Variants in SPAG16 observed in about 807,000 individuals in gnomAD.
SPAG16 encodes sperm associated antigen 16, also known as sperm-associated antigen 16 protein.
In SPAG16, 86 loss-of-function variants were observed where a neutral mutation model predicts 80.4. The ratio of observed to expected loss-of-function variants is 1.07; its 90% confidence interval spans 0.90 to 1.28. SPAG16 has a LOEUF of 1.28. Ranked by LOEUF, SPAG16 falls within the 50% of genes most tolerant of loss-of-function variation. The pLI, the probability that SPAG16 is intolerant of heterozygous loss-of-function variation, is 0.00. For synonymous variants in SPAG16, 294 were observed against 265.9 expected (o/e 1.11, Z -1.03); for missense variants, 870 against 765.3 (o/e 1.14, Z -1.61).
At chr2:214,111,606 C>A (rs558701386) in intron 14 of SPAG16, among the ~76,000 whole-genome samples, 1 of 152,302 alleles carries the variant, frequency 6.6e-6, no homozygotes, top group Admixed American at 6.5e-5. Flanking sequence ...ACTGTCTTGG[C>A]AATGCAGGCT....
intron 15 of SPAG16, among the ~76,000 whole-genome samples, chr2:214,271,890 C>A (rs1692053160): frequency 6.9e-6 from 1 of 145,702 alleles, no homozygotes; most frequent in Non-Finnish European, 1.5e-5. Context: ...TAGCAGGAGT[C>A]TGTTTTTATA....
intron 15 of SPAG16, among the ~76,000 whole-genome samples, chr2:214,251,601 T>A (rs540248175): frequency 6.6e-6 from 1 of 152,288 alleles, no homozygotes; most frequent in East Asian, 1.9e-4. Flanking sequence ...ATTCATTTCA[T>A]GTTTTGTGAG....
At chr2:213,302,213 C>T (rs769509718) in intron 3 of SPAG16, among the ~76,000 whole-genome samples, 7 of 152,064 alleles carry the variant, frequency 4.6e-5, no homozygotes, top group Non-Finnish European at 8.8e-5. Flanking sequence ...GACCATGTTT[C>T]GCTAGTTTGT....
At chr2:214,194,200 G>T (rs1319471168) in intron 15 of SPAG16, among the ~76,000 whole-genome samples, 1 of 151,954 alleles carries the variant, frequency 6.6e-6, no homozygotes, top group African/African-American at 2.4e-5. Flanking sequence ...ACATGAAATG[G>T]CAATACATGA....
chr2:214,232,591 G>C (rs1190177261), intron 15 of SPAG16, among the ~76,000 whole-genome samples: 1 of 151,870 alleles, frequency 6.6e-6, no homozygotes, highest in African/African-American at 2.4e-5. Flanking sequence ...AGGAGTCGGG[G>C]GGGGCTCAGA....
chr2:214,143,638 A>G (rs1291684805), intron 14 of SPAG16, among the ~76,000 whole-genome samples: 2 of 152,180 alleles, frequency 1.3e-5, no homozygotes, highest in Admixed American at 1.3e-4. Context: ...TTTAAATTAC[A>G]TACAATCAAC....
At position 213,467,978 on chromosome 2, in the gene SPAG16, T is replaced by A. The variant is rs2072799209; in HGVS notation, c.943-21985T>A. Among the ~76,000 whole-genome samples the A allele has an allele frequency of 2.6e-5, 4 of 152,284 alleles. No homozygotes were observed. In the South Asian group the frequency reaches 8.3e-4, roughly 32 times the overall value. Reference sequence around the variant, plus strand: ...TTTCTTGTGTCTCCTCTCTCTCTCTTCAGTCTCCTCCTGATCCCTGTTGTA... The same window carrying A: ...TTTCTTGTGTCTCCTCTCTCTCTCTACAGTCTCCTCCTGATCCCTGTTGTA... On this transcript the variant is annotated intron_variant, in intron 9 of 15. Transcript: ENST00000331683.
intron 13 of SPAG16, among the ~76,000 whole-genome samples, chr2:214,044,466 G>A (rs1156643154): frequency 6.6e-6 from 1 of 152,060 alleles, no homozygotes; most frequent in Non-Finnish European, 1.5e-5. Flanking sequence ...CATTATTTGG[G>A]GGAGGGTGGA....
chr2:213,767,816 G>A (rs714567), intron 10 of SPAG16, among the ~76,000 whole-genome samples: 9,697 of 152,176 alleles, frequency 0.064, 1,021 homozygotes, highest in African/African-American at 0.22. Flanking sequence ...CATTTATTGG[G>A]CAACAAATGA....
rs1298555516 is a variant in SPAG16 at position 213,340,737 on chromosome 2, A to T, written c.644+467A>T. Among the ~76,000 whole-genome samples the T allele has an allele frequency of 2.0e-5, 3 of 152,206 alleles. No homozygotes were observed. The East Asian group carries it at 5.8e-4, about 29-fold the overall frequency. ...CTGTGGTATTGCAGGGATAGGGGAC[A>T]TATCTCTAAATGACTATGAATTTGT... On this transcript the variant is annotated intron_variant, in intron 6 of 15. Transcript: ENST00000331683.
rs1175230204 is a variant in SPAG16, at chr2:213,676,291, A to G, written c.1071-186194A>G. On this transcript the variant is annotated intron_variant, in intron 10 of 15. Transcript: ENST00000331683. ...CTTAACGAGATTTTGGGATGAGACA[A>G]TGGGGTTTTCTAGATATACAATCAT... Among the ~76,000 whole-genome samples the G allele has an allele frequency of 3.7e-4, 57 of 152,270 alleles. 1 individual carries two copies. Among genetic ancestry groups the G allele is most frequent in the Non-Finnish European group, 1.0e-4 (7 of 68,034 alleles).
intron 15 of SPAG16, among the ~76,000 whole-genome samples, chr2:214,316,653 C>T (rs1695717424): frequency 6.6e-6 from 1 of 152,078 alleles, no homozygotes; most frequent in Non-Finnish European, 1.5e-5. Flanking sequence ...ATATTAAATT[C>T]TATAACTCTA....
chr2:214,016,862 C>T (rs2047616164), intron 13 of SPAG16, among the ~76,000 whole-genome samples: 1 of 151,906 alleles, frequency 6.6e-6, no homozygotes, highest in Non-Finnish European at 1.5e-5. Flanking sequence ...GTTCCTGGGT[C>T]AATAAGAAAG....
chr2:213,573,056 C>G (rs953866644), intron 10 of SPAG16, among the ~76,000 whole-genome samples: 8 of 152,154 alleles, frequency 5.3e-5, no homozygotes, highest in East Asian at 1.9e-4. Flanking sequence ...CCTGACCCCT[C>G]GCGCTTCCCA....
intron 15 of SPAG16, among the ~76,000 whole-genome samples, chr2:214,346,117 AGTTATC>A (rs1179196622): frequency 6.6e-6 from 1 of 152,210 alleles, no homozygotes; most frequent in East Asian, 1.9e-4. Context: ...GATGCCAAAC[AGTTATC>A]CAAAGTAGTT....
At chr2:214,057,289 G>C (rs754219185) in intron 13 of SPAG16, among the ~76,000 whole-genome samples, 13 of 151,090 alleles carry the variant, frequency 8.6e-5, no homozygotes, top group Non-Finnish European at 1.8e-4. Flanking sequence ...AGTCAAAATT[G>C]CTTCTTGATC....
chr2:214,008,744 CAA>C (rs555712697), intron 12 of SPAG16, among the ~76,000 whole-genome samples: 1,804 of 116,988 alleles, frequency 0.015, 38 homozygotes, highest in African/African-American at 0.047. Context: ...GACTCCATCT[CAA>C]AAAAAAAAAA....
At chr2:213,842,347 T>TCTG (rs2074401722) in intron 10 of SPAG16, among the ~76,000 whole-genome samples, 1 of 152,146 alleles carries the variant, frequency 6.6e-6, no homozygotes, top group Non-Finnish European at 1.5e-5. Flanking sequence ...ATTTGGTGTT[T>TCTG]ATCTTCTGTT....
chr2:213,900,511 G>A (rs1355405675), intron 11 of SPAG16, among the ~76,000 whole-genome samples: 4 of 152,040 alleles, frequency 2.6e-5, no homozygotes. Context: ...CATGCCCCTG[G>A]AGTTATTCTA....
Sources: gnomAD v4.1 joint callset for allele counts (sites outside exome capture counted in the v4.1 genomes callset) on GRCh38, gnomAD v4.1.1 for gene constraint, MANE v1.5 for transcripts, NCBI Gene and HGNC (gene_info 2026-07-23, HGNC 2026-07-21) for gene names.